Variants in C14orf93 observed in about 807,000 individuals in gnomAD.
The protein encoded by C14orf93 is uncharacterized protein C14orf93.
C14orf93 carries 23 observed loss-of-function variants against 44.0 expected under a neutral mutation model. The ratio of observed to expected loss-of-function variants is 0.52; its 90% confidence interval spans 0.38 to 0.74. The LOEUF (loss-of-function observed/expected upper bound fraction) is 0.74. C14orf93 is among the 30% of genes least tolerant of loss of function. The probability of loss-of-function intolerance (pLI) is 0.00; values close to 1 mark genes in which losing one functional copy is unlikely to be tolerated. For synonymous variants in C14orf93, 253 were observed against 265.7 expected, an observed-to-expected ratio of 0.95 and a Z score of 0.46; for missense variants, 579 against 678.9, an observed-to-expected ratio of 0.85 and a Z score of 1.64.
At position 22,987,799 on chromosome 14, in the gene C14orf93, T is replaced by C; in HGVS notation, c.1197+104A>G. 1 of 1,225,876 alleles carries C rather than the reference T, an allele frequency of 8.2e-7. No individual in the cohort carries two copies. Among genetic ancestry groups the C allele is most frequent in the South Asian group, 1.4e-5 (1 of 69,386 alleles). 75.9% of individuals were successfully genotyped at this position (1,225,876 alleles called of 1,614,324 possible). A position where few individuals can be genotyped will look rare whatever the true frequency, so the allele number is the denominator to read the frequency against. ...CACTGTTCTTCTCTATCTTCCTACA[T>C]TCCTGGCTCTCAACCCTATTCTCAT... On this transcript the variant is annotated intron_variant, in intron 6 of 6. Transcript: ENST00000299088. This position sits in a 1 kb window ranked among gnomAD's most constrained non-coding sequence, Gnocchi z 5.6.
At chr14:23,001,195 A>C (rs2046274741) in intron 1 of C14orf93, 1 of 152,240 alleles carries the variant, frequency 6.6e-6, no homozygotes, top group Non-Finnish European at 1.5e-5. Context: ...TATTTAACCT[A>C]CATCATGCAG....
In C14orf93 at chr14:22,996,404, G is replaced by T; in HGVS notation, c.598-136C>A. 1.1e-6 allele frequency: 1 copy of T among 877,880 alleles called. No individual in the cohort carries two copies. Among genetic ancestry groups the T allele is most frequent in the Non-Finnish European group, 1.7e-6 (1 of 600,752 alleles). 54.4% of individuals were successfully genotyped at this position (877,880 alleles called of 1,614,324 possible). ...CTAGCACAGTCTTTAATGGTCAATG[G>T]CTTGTTTCTCTGGGACTCCTATGAG... On this transcript the variant is annotated intron_variant, in intron 2 of 6. Coordinates refer to ENST00000299088, the MANE Select transcript of C14orf93 (RefSeq NM_021944.4). The surrounding 1 kb of genome is among the most constrained non-coding windows in gnomAD (Gnocchi z 4.1).
At chr14:22,993,572 A>G (rs1342339163) in intron 3 of C14orf93, among the ~76,000 whole-genome samples, 1 of 152,244 alleles carries the variant, frequency 6.6e-6, no homozygotes, top group East Asian at 1.9e-4. Context: ...AAAAAGGGGA[A>G]AGAAAAAAGG....
rs533435795 is a variant in C14orf93, at chr14:22,999,664, T to C, written c.-379-262A>G. 2.0e-5 allele frequency among the ~76,000 whole-genome samples: 3 copies of C among 152,326 alleles called. No homozygotes were observed. The East Asian group carries it at 5.8e-4, about 29-fold the overall frequency. Reference sequence around the variant, plus strand: ...CAGCAGAATCCAGTTATTGCTACTTTCAATGTAGTGTTGTATTTTTTTTTA... The same window carrying C: ...CAGCAGAATCCAGTTATTGCTACTTCCAATGTAGTGTTGTATTTTTTTTTA... On this transcript the variant is annotated intron_variant, in intron 1 of 6. Coordinates refer to ENST00000299088, the MANE Select transcript of C14orf93 (RefSeq NM_021944.4).
chr14:22,991,676 T>C (rs998169253), intron 3 of C14orf93, among the ~76,000 whole-genome samples: 5 of 150,834 alleles, frequency 3.3e-5, no homozygotes, highest in African/African-American at 1.2e-4. Context: ...GTTCAAGCAA[T>C]TCTCCTGCCT....
chr14:22,987,494 A>G lies in C14orf93; in HGVS notation c.1338T>C (p.Arg446=). 1 of 1,614,220 alleles carries G rather than the reference A, an allele frequency of 6.2e-7. No individual in the cohort carries two copies. Among genetic ancestry groups the G allele is most frequent in the South Asian group, 1.1e-5 (1 of 91,086 alleles). The change falls in exon 7 of 7, where the codon CGT becomes CGC. Residue 446 remains arginine (R), a synonymous_variant. Transcript: ENST00000299088. This position sits in a 1 kb window ranked among gnomAD's most constrained non-coding sequence, Gnocchi z 5.6. ...GCTCTGTGAGGCGCTGGGCCCGGAA[A>G]CGGGGAGGGCGGGCCACCCACACAC... ...EPGVWVARPP[R]FRAQRLTELC... is the part of the protein sequence containing the mutation.
chr14:23,002,993 A>G (rs1396218480), intron 1 of C14orf93, among the ~76,000 whole-genome samples: 4 of 152,232 alleles, frequency 2.6e-5, no homozygotes, highest in Non-Finnish European at 5.9e-5. Flanking sequence ...AAAACCTTCT[A>G]TGACGCAAAT....
At chr14:23,009,133 A>G (rs1347048289) in intron 1 of C14orf93, among the ~76,000 whole-genome samples, 1 of 152,242 alleles carries the variant, frequency 6.6e-6, no homozygotes, top group Non-Finnish European at 1.5e-5. Flanking sequence ...CACAGATTCA[A>G]TAAATTGCCT....
chr14:22,989,620 A>G lies in C14orf93; in HGVS notation c.1084+122T>C, dbSNP rs1186995396. ...GTGAGAATAGCCAAAAAATGTTTCA[A>G]ATCCACTATTTTCAAAACCACCTAA... On this transcript the variant is annotated intron_variant, in intron 5 of 6. Coordinates refer to ENST00000299088, the MANE Select transcript of C14orf93 (RefSeq NM_021944.4). The G allele has an allele frequency of 9.9e-6, 7 of 705,586 alleles. No homozygotes were observed. In the East Asian group the frequency reaches 1.9e-4, roughly 19 times the overall value. 43.7% of individuals were successfully genotyped at this position (705,586 alleles called of 1,614,324 possible). A position where few individuals can be genotyped will look rare whatever the true frequency, so the allele number is the denominator to read the frequency against.
Position 22,996,019 on chromosome 14 carries a change from T to C in C14orf93, c.847A>G (p.Thr283Ala), listed in dbSNP as rs758809596. The change falls in exon 3 of 7, where the codon ACC (threonine) becomes GCC (alanine). Residue 283 changes from threonine (T) to alanine (A), a missense_variant. Transcript: ENST00000299088. This position sits in a 1 kb window ranked among gnomAD's most constrained non-coding sequence, Gnocchi z 4.1. ...CCTCTGGTCCTGCATGGGGAAACGG[T>C]CAGCCCTAGAGAGTGTCTCAGCTCC... Reference protein sequence around the residue: ...TGELRHSLGLTVSPCRTRGSG... With the variant: ...TGELRHSLGLAVSPCRTRGSG... 8.1e-6 allele frequency: 13 copies of C among 1,611,568 alleles called. No individual in the cohort carries two copies. In the South Asian group the frequency reaches 1.4e-4, roughly 18 times the overall value.
chr14:23,003,869 TATATATATATATATATATATATATATATA>T (rs1236458077), intron 1 of C14orf93, among the ~76,000 whole-genome samples: 4 of 12,400 alleles, frequency 3.2e-4, no homozygotes, highest in Non-Finnish European at 4.2e-4. Context: ...TATATATATA[TATATATATATATATATATATATATATATA>T]TTTTTTTTTT....
chr14:23,004,858 C>A (rs1225929240), intron 1 of C14orf93, among the ~76,000 whole-genome samples: 12 of 152,158 alleles, frequency 7.9e-5, no homozygotes, highest in Non-Finnish European at 4.4e-5. Flanking sequence ...GTGGAGGTTG[C>A]AATGAGCCAA....
chr14:23,009,860 A>G (rs1414328173), intron 1 of C14orf93, among the ~76,000 whole-genome samples: 1 of 152,146 alleles, frequency 6.6e-6, no homozygotes, highest in Non-Finnish European at 1.5e-5. Flanking sequence ...AAAAAGAAAA[A>G]AAAACTATAA....
At chr14:23,002,122 C>T (rs2046337997) in intron 1 of C14orf93, among the ~76,000 whole-genome samples, 1 of 143,288 alleles carries the variant, frequency 7.0e-6, no homozygotes, top group South Asian at 2.2e-4. Context: ...GCACTCCAGC[C>T]TGGGCGACAG....
chr14:22,987,356 A>G lies in C14orf93; in HGVS notation c.1476T>C (p.Leu492=). The change falls in exon 7 of 7, where the codon CTT becomes CTC. Residue 492 remains leucine, a synonymous_variant. Transcript: ENST00000299088. The surrounding 1 kb of genome is among the most constrained non-coding windows in gnomAD (Gnocchi z 5.6). ...CCTCTTCTTGGAAATTAGGATTGTAAAGTTCTGGTGGAAGGAGCTGGGCTT... is the reference window on the plus strand; with the variant it reads ...CCTCTTCTTGGAAATTAGGATTGTAGAGTTCTGGTGGAAGGAGCTGGGCTT... ...SAEAQLLPPE[L]YNPNFQEEED... 1 of 1,614,190 alleles carries G rather than the reference A, an allele frequency of 6.2e-7. No homozygotes were observed. The highest frequency in any genetic ancestry group is 8.5e-7 in the Non-Finnish European group (1 of 1,180,036).
chr14:23,006,027 C>T (rs2046605259), intron 1 of C14orf93: 1 of 152,186 alleles, frequency 6.6e-6, no homozygotes, highest in South Asian at 2.1e-4. Context: ...GATATGGTAT[C>T]ACTCAGATGA....
At chr14:23,005,218 T>C (rs2046567835) in intron 1 of C14orf93, 3 of 151,884 alleles carry the variant, frequency 2.0e-5, no homozygotes, top group South Asian at 4.2e-4. Flanking sequence ...ATAAGGAGAA[T>C]TGACAGAGTT....
At chr14:23,005,854 C>T (rs1290777085) in intron 1 of C14orf93, 1 of 152,164 alleles carries the variant, frequency 6.6e-6, no homozygotes, top group African/African-American at 2.4e-5. Context: ...TTTAACTATC[C>T]CTTTCCTCCC....
At chr14:23,009,950 A>G (rs553037164) in intron 1 of C14orf93, 151 bp downstream of exon 1, 1 of 152,324 alleles carries the variant, frequency 6.6e-6, no homozygotes, top group African/African-American at 2.4e-5. Flanking sequence ...AGGAAAAAGA[A>G]AGAGGAAGAG....
Sources: gnomAD v4.1 joint callset for allele counts (sites outside exome capture counted in the v4.1 genomes callset) on GRCh38, gnomAD v4.1.1 for gene constraint, Gnocchi (gnomAD v3.1) non-coding constraint, MANE v1.5 for transcripts, NCBI Gene and HGNC (gene_info 2026-07-23, HGNC 2026-07-21) for gene names.